Variants in HCRTR1 observed in about 807,000 individuals in gnomAD.
HCRTR1 encodes the protein hypocretin receptor 1, also known as orexin/Hypocretin receptor type 1.
In HCRTR1, 28 loss-of-function variants were observed where a neutral mutation model predicts 40.6. The observed-to-expected ratio is 0.69, with a 90% confidence interval of 0.51 to 0.95. The LOEUF is 0.95. Ranked by LOEUF, HCRTR1 falls within the 40% of genes least tolerant of loss-of-function variation. The pLI, the probability that HCRTR1 is intolerant of heterozygous loss-of-function variation, is 0.00. For synonymous variants in HCRTR1, 209 were observed against 230.0 expected, an observed-to-expected ratio of 0.91 and a Z score of 0.83; for missense variants, 482 against 564.7, an observed-to-expected ratio of 0.85 and a Z score of 1.48.
In HCRTR1 at chr1:31,626,791, C is replaced by A. The variant is rs1458639837; in HGVS notation, c.1089C>A (p.Gly363=). The change falls in exon 9 of 9, where the codon GGC becomes GGA. Residue 363 remains glycine (G), a splice_region_variant and synonymous_variant. Transcript: ENST00000403528. This position sits in a 1 kb window ranked among gnomAD's most constrained non-coding sequence, Gnocchi z 4.6. ...TGTGTCTTTTGTCTCCCAACCAAGG[C>A]AAATTCCGGGAGCAGTTTAAGGCTG... ...ANPIIYNFLS[G]KFREQFKAAF... The A allele has an allele frequency of 1.2e-6, 2 of 1,612,510 alleles. No homozygotes were observed. The highest frequency in any genetic ancestry group is 2.2e-5 in the South Asian group (2 of 90,908).
Position 31,623,522 on chromosome 1 carries a change from G to C in HCRTR1, c.739-1G>C. The C allele has an allele frequency of 1.2e-6, 2 of 1,611,328 alleles. No homozygotes were observed. The highest frequency in any genetic ancestry group is 1.3e-5 in the African/African-American group (1 of 75,028). ...CTGCTGTCTCTATGTGTGCTGGACA[G>C]ATCCCCGGCACCACCTCAGCACTGG... On this transcript the variant is annotated splice_acceptor_variant, in intron 6 of 8. Transcript: ENST00000403528. LOFTEE classifies it high-confidence loss of function.
In HCRTR1 at chr1:31,623,708, C is replaced by G; in HGVS notation, c.924C>G (p.Ala308=). The change falls in exon 7 of 9, where the codon GCC becomes GCG. Residue 308 remains alanine (A), a synonymous_variant. Coordinates refer to ENST00000403528, the MANE Select transcript of HCRTR1 (RefSeq NM_001525.3). Reference sequence around the variant, plus strand: ...TGATGGTGGTGCTGCTGGTCTTCGCCCTCTGCTACCTGCCCATCAGCGTCC... The same window carrying G: ...TGATGGTGGTGCTGCTGGTCTTCGCGCTCTGCTACCTGCCCATCAGCGTCC... ...KMLMVVLLVF[A]LCYLPISVLN... 1 of 1,614,176 alleles carries G rather than the reference C, an allele frequency of 6.2e-7. No homozygotes were observed. The highest frequency in any genetic ancestry group is 8.5e-7 in the Non-Finnish European group (1 of 1,180,030).
At position 31,627,104 on chromosome 1, in the gene HCRTR1, G is replaced by A; in HGVS notation, c.*124G>A. 6.8e-7 allele frequency: 1 copy of A among 1,462,300 alleles called. No homozygotes were observed. The highest frequency in any genetic ancestry group is 1.4e-5 in the South Asian group (1 of 74,040). The allele number at this position is 1,462,300 out of a possible 1,614,324, so 90.6% of individuals were successfully genotyped here. ...TTTCTGCCTGTGTGACTCTGGATAAGTCACTTCCTCTGTCTGAGCTTGTGT... is the reference window on the plus strand; with the variant it reads ...TTTCTGCCTGTGTGACTCTGGATAAATCACTTCCTCTGTCTGAGCTTGTGT... On this transcript the variant is annotated 3_prime_UTR_variant, in exon 9 of 9. Transcript: ENST00000403528.
intron 1 of HCRTR1, chr1:31,618,243 G>A (rs1006471138): frequency 6.6e-6 from 1 of 152,268 alleles, no homozygotes; most frequent in African/African-American, 2.4e-5. Flanking sequence ...GCGGGAGGAG[G>A]GGAGGGGCGG....
chr1:31,634,138 G>A (rs1640193569), downstream of HCRTR1, among the ~76,000 whole-genome samples: 1 of 152,192 alleles, frequency 6.6e-6, no homozygotes, highest in Non-Finnish European at 1.5e-5. Context: ...AGGGAAAAAG[G>A]TATGCCTGAC....
At chr1:31,629,250 T>C (rs984290974), downstream of HCRTR1, among the ~76,000 whole-genome samples, 4 of 152,176 alleles carry the variant, frequency 2.6e-5, no homozygotes, top group African/African-American at 7.2e-5. Flanking sequence ...AAAACAGTCA[T>C]AGTTACTTCC....
chr1:31,626,801 G>A lies in HCRTR1; in HGVS notation c.1099G>A (p.Glu367Lys), dbSNP rs542908338. The change falls in exon 9 of 9, where the codon GAG becomes AAG. Residue 367 changes from glutamate to lysine, a missense_variant. By Grantham distance (56) the Glu-to-Lys change is moderately conservative (BLOSUM62 1). Coordinates refer to ENST00000403528, the MANE Select transcript of HCRTR1 (RefSeq NM_001525.3). The surrounding 1 kb of genome is among the most constrained non-coding windows in gnomAD (Gnocchi z 4.6). ...GTCTCCCAACCAAGGCAAATTCCGG[G>A]AGCAGTTTAAGGCTGCCTTCTCCTG... The part of the protein sequence containing the change: ...IYNFLSGKFR[E>K]QFKAAFSCCL... 5.0e-6 allele frequency: 8 copies of A among 1,613,310 alleles called. No homozygotes were observed. In the Admixed American group the frequency reaches 5.0e-5, roughly 10 times the overall value.
intron 5 of HCRTR1, 56 bp downstream of exon 5, chr1:31,621,142 T>C (rs2148609143): frequency 3.2e-6 from 5 of 1,563,166 alleles, no homozygotes; most frequent in Admixed American, 1.7e-5. Context: ...TGGGAGCACG[T>C]ACCCCTAGGA....
intron 6 of HCRTR1, among the ~76,000 whole-genome samples, chr1:31,622,938 C>T (rs544907700): frequency 2.0e-5 from 3 of 152,298 alleles, no homozygotes; most frequent in African/African-American, 7.2e-5. Context: ...CAAGGTTCCC[C>T]ACCTCTTTGA....
rs754953867 is a variant in HCRTR1, at chr1:31,625,003, C to T, written c.972C>T (p.Phe324=). The T allele has an allele frequency of 8.1e-6, 13 of 1,606,020 alleles. No homozygotes were observed. Among genetic ancestry groups the T allele is most frequent in the African/African-American group, 5.3e-5 (4 of 74,790 alleles). ...TCCTCCACCCTGGGCCTAGGGTGTT[C>T]GGGATGTTCCGCCAAGCCAGTGACC... ...ISVLNVLKRV[F]GMFRQASDRE... is the part of the protein sequence containing the mutation. Residue 324 remains phenylalanine, a synonymous_variant, in exon 8 of 9, where the codon TTC becomes TTT. Transcript: ENST00000403528. This position sits in a 1 kb window ranked among gnomAD's most constrained non-coding sequence, Gnocchi z 4.2.
In HCRTR1 at chr1:31,621,024, G is replaced by A; in HGVS notation, c.560G>A (p.Ser187Asn). The A allele has an allele frequency of 6.2e-7, 1 of 1,613,420 alleles. No homozygotes were observed. The highest frequency in any genetic ancestry group is 8.5e-7 in the Non-Finnish European group (1 of 1,179,992). ...VPQAAVMECS[S>N]VLPELANRTR... Reference sequence around the variant, plus strand: ...CAGGCTGCAGTCATGGAATGCAGCAGTGTGCTGCCTGAGCTAGCCAACCGC... The same window carrying A: ...CAGGCTGCAGTCATGGAATGCAGCAATGTGCTGCCTGAGCTAGCCAACCGC... The change falls in exon 5 of 9, where the codon AGT becomes AAT. Residue 187 changes from serine (S) to asparagine (N), a missense_variant. Ser to Asn is a conservative substitution (Grantham distance 46, BLOSUM62 1). Coordinates refer to ENST00000403528, the MANE Select transcript of HCRTR1 (RefSeq NM_001525.3).
chr1:31,619,209 C>A lies in HCRTR1; in HGVS notation c.17C>A (p.Thr6Asn). The A allele has an allele frequency of 1.9e-6, 3 of 1,612,182 alleles. No individual in the cohort carries two copies. The highest frequency in any genetic ancestry group is 2.5e-6 in the Non-Finnish European group (3 of 1,179,968). Residue 6 changes from threonine to asparagine, a missense_variant, in exon 3 of 9, where the codon ACC becomes AAC. Physicochemically the swap from Thr to Asn is moderately conservative, Grantham distance 65. Coordinates refer to ENST00000403528, the MANE Select transcript of HCRTR1 (RefSeq NM_001525.3). MEPSATPGAQMGVPPG... is the reference protein window; with the variant it reads MEPSANPGAQMGVPPG... Reference sequence around the variant, plus strand: ...CCTGAGCTCATGGAGCCCTCAGCCACCCCAGGGGCCCAGATGGGGGTCCCC... The same window carrying A: ...CCTGAGCTCATGGAGCCCTCAGCCAACCCAGGGGCCCAGATGGGGGTCCCC...
chr1:31,621,226 G>A, intron 5 of HCRTR1, 140 bp downstream of exon 5: 1 of 1,211,546 alleles, frequency 8.3e-7, no homozygotes, highest in East Asian at 2.5e-5. Flanking sequence ...ACCCTAGACT[G>A]GCTCCTACCA....
chr1:31,623,824 G>A (rs1205816862), intron 7 of HCRTR1, 75 bp downstream of exon 7: 7 of 1,117,312 alleles, frequency 6.3e-6, no homozygotes, highest in Non-Finnish European at 9.1e-6. Context: ...TTGGGAGAAA[G>A]ACCTGGCTCC....
intron 1 of HCRTR1, among the ~76,000 whole-genome samples, chr1:31,618,468 G>A (rs1434004385): frequency 1.3e-5 from 2 of 152,154 alleles, no homozygotes; most frequent in East Asian, 3.9e-4. Context: ...AGTGCCCACC[G>A]GAGGGTCTGG....
intron 4 of HCRTR1, 96 bp from the exon 5 acceptor site, chr1:31,620,747 G>A (rs1639834598): frequency 1.3e-6 from 2 of 1,488,724 alleles, no homozygotes. Context: ...GTCAGGATTT[G>A]CACTGCCCTG....
intron 6 of HCRTR1, 45 bp from the exon 7 acceptor site, chr1:31,623,478 C>G: frequency 1.3e-6 from 2 of 1,533,016 alleles, no homozygotes; most frequent in Non-Finnish European, 1.8e-6. Context: ...ACCACCCTCC[C>G]AAGGTGCTGT....
chr1:31,634,074 G>T (rs1358905494), downstream of HCRTR1, among the ~76,000 whole-genome samples: 1 of 152,192 alleles, frequency 6.6e-6, no homozygotes, highest in Non-Finnish European at 1.5e-5. Flanking sequence ...GACAGCCATG[G>T]GCAGTTGTGG....
In HCRTR1 at chr1:31,621,577, G is replaced by C. The variant is rs139788392; in HGVS notation, c.723G>C (p.Lys241Asn). ...TGGCCTATTTCCAGATATTCCGCAA[G>C]CTCTGGGGCCGCCAGGTGAGGCCCA... ...MAMAYFQIFR[K>N]LWGRQIPGTT... is the part of the protein sequence containing the mutation. Residue 241 changes from lysine to asparagine, a missense_variant, in exon 6 of 9, where the codon AAG becomes AAC. Coordinates refer to ENST00000403528, the MANE Select transcript of HCRTR1 (RefSeq NM_001525.3). 3 of 1,612,896 alleles carry C rather than the reference G, an allele frequency of 1.9e-6. No homozygotes were observed. Among genetic ancestry groups the C allele is most frequent in the South Asian group, 1.1e-5 (1 of 91,086 alleles).
Sources: allele counts gnomAD v4.1 joint callset (sites outside exome capture counted in the v4.1 genomes callset), GRCh38; gene constraint gnomAD v4.1.1; non-coding constraint Gnocchi (gnomAD v3.1); transcripts MANE v1.5; gene names NCBI Gene and HGNC (gene_info 2026-07-23, HGNC 2026-07-21).